The following WDFY4 variants were observed in gnomAD, a reference collection of about 807,000 sequenced individuals.
WDFY4 encodes WDFY family member 4.
A neutral mutation model predicts 351.9 loss-of-function variants in WDFY4; 169 were observed. That is an observed-to-expected ratio of 0.48 (90% CI 0.42 to 0.55). The LOEUF is 0.55. WDFY4 is among the 20% of genes least tolerant of loss of function. WDFY4 has a pLI of 0.00. For synonymous variants in WDFY4, 1,622 were observed against 1,574.6 expected, an observed-to-expected ratio of 1.03 and a Z score of -0.71; for missense variants, 3,803 against 3,935.6, an observed-to-expected ratio of 0.97 and a Z score of 0.90.
rs1275682896 is a variant in WDFY4, at chr10:48,800,715, TTTCTTTCATTCTTTC to T, written c.4411-2568_4411-2554del. ...CTTTCTTTCTTTCTTTCTTTCTTTC[TTTCTTTCATTCTTTC>T]TTTTTTTTTTTTTTTGTTTTGAGAT... is the stretch of plus-strand genomic sequence containing the variant. On this transcript the variant is annotated intron_variant, in intron 24 of 61. Transcript: ENST00000325239. Among the ~76,000 whole-genome samples the T allele has an allele frequency of 3.8e-4, 42 of 111,682 alleles. No individual in the cohort carries two copies. The East Asian group carries it at 4.1e-3, about 11-fold the overall frequency. 73.3% of individuals were successfully genotyped at this position (111,682 alleles called of 152,430 possible).
chr10:48,727,530 C>A lies in WDFY4; in HGVS notation c.842C>A (p.Ala281Asp), dbSNP rs1053250602. 16 of 1,551,694 alleles carry A rather than the reference C, an allele frequency of 1.0e-5. No homozygotes were observed. Among genetic ancestry groups the A allele is most frequent in the Admixed American group, 2.0e-5 (1 of 50,996 alleles). ...TCCAGGCTCACGGACACTCTCCCTGCCCCTGAAGTGAGCGAGGCTGTAAGC... is the reference window on the plus strand; with the variant it reads ...TCCAGGCTCACGGACACTCTCCCTGACCCTGAAGTGAGCGAGGCTGTAAGC... ...NLSRLTDTLP[A>D]PEVSEAVSLI... is the part of the protein sequence containing the mutation. The change falls in exon 7 of 62, where the codon GCC (alanine) becomes GAC (aspartate). Residue 281 changes from alanine to aspartate, a missense_variant. Transcript: ENST00000325239.
chr10:48,952,691 C>T (rs528974757), intron 51 of WDFY4, among the ~76,000 whole-genome samples: 15 of 152,094 alleles, frequency 9.9e-5, no homozygotes, highest in African/African-American at 2.2e-4. Context: ...ATGCAGGCAG[C>T]GTGGTTTCAG....
chr10:48,945,933 A>ATGTAAT (rs1841020866), intron 49 of WDFY4, 107 bp from the exon 50 acceptor site: 3 of 764,272 alleles, frequency 3.9e-6, no homozygotes, highest in Non-Finnish European at 6.0e-6. Context: ...GGCAGGTCAG[A>ATGTAAT]CCAAATGACT....
chr10:48,806,563 T>C (rs147582423), intron 27 of WDFY4, among the ~76,000 whole-genome samples: 1 of 152,344 alleles, frequency 6.6e-6, no homozygotes, highest in African/African-American at 2.4e-5. Context: ...CCAAACCAGA[T>C]TAAGTCACTT....
At chr10:48,971,177 G>A (rs1842320667) in intron 57 of WDFY4, among the ~76,000 whole-genome samples, 1 of 152,082 alleles carries the variant, frequency 6.6e-6, no homozygotes, top group South Asian at 2.1e-4. Flanking sequence ...CTATTTTTTA[G>A]TTAGCCACAG....
chr10:48,826,379 T>C (rs2068013342), intron 35 of WDFY4, among the ~76,000 whole-genome samples: 2 of 152,188 alleles, frequency 1.3e-5, no homozygotes, highest in African/African-American at 4.8e-5. Context: ...AGTCTCATAG[T>C]ATAGTTTGAA....
chr10:48,970,902 A>G (rs970140034), intron 57 of WDFY4, among the ~76,000 whole-genome samples: 1 of 152,232 alleles, frequency 6.6e-6, no homozygotes, highest in African/African-American at 2.4e-5. Context: ...ACCAGCCCTC[A>G]TAGAGAATGC....
At chr10:48,705,073 G>A (rs1170726993) in intron 1 of WDFY4, among the ~76,000 whole-genome samples, 1 of 152,194 alleles carries the variant, frequency 6.6e-6, no homozygotes, top group African/African-American at 2.4e-5. Flanking sequence ...TGGCCCCAGA[G>A]TCTGTGCTGG....
intron 51 of WDFY4, among the ~76,000 whole-genome samples, chr10:48,956,536 C>G (rs1234777786): frequency 6.6e-6 from 1 of 152,194 alleles, no homozygotes; most frequent in Non-Finnish European, 1.5e-5. Context: ...GCTTCTTGCT[C>G]TCCTGCCACC....
intron 12 of WDFY4, among the ~76,000 whole-genome samples, chr10:48,754,448 G>A (rs2947346): frequency 0.98 from 148,137 of 151,866 alleles, 72,360 homozygotes; most frequent in East Asian, 1. Context: ...TCAAATTAAA[G>A]TTGTAAATTA....
At chr10:48,735,452 G>C (rs1422775846) in intron 10 of WDFY4, among the ~76,000 whole-genome samples, 4 of 152,184 alleles carry the variant, frequency 2.6e-5, no homozygotes, top group Non-Finnish European at 5.9e-5. Flanking sequence ...AATCAAGGGA[G>C]AGGTAGATCT....
rs1310710615 is a variant in WDFY4 at position 48,720,040 on chromosome 10, C to T, written c.264C>T (p.Cys88=). 6.4e-7 allele frequency: 1 copy of T among 1,551,768 alleles called. No homozygotes were observed. The highest frequency in any genetic ancestry group is 1.2e-5 in the South Asian group (1 of 84,054). Residue 88 remains cysteine, a synonymous_variant, in exon 3 of 62, where the codon TGC becomes TGT. Coordinates refer to ENST00000325239, the MANE Select transcript of WDFY4 (RefSeq NM_001394531.1). ...KAWEHSVGII[C]FPSLQRLAED... ...GGGAACACTCCGTGGGGATCATCTG[C>T]TTTCCCAGTCTCCAAAGGCTGGCTG...
At chr10:48,891,553 C>A (rs11101551) in intron 44 of WDFY4, among the ~76,000 whole-genome samples, 1 of 152,212 alleles carries the variant, frequency 6.6e-6, no homozygotes, top group African/African-American at 2.4e-5. Context: ...TTGCCTTTTC[C>A]AGTTGACCCA....
At chr10:48,728,518 T>A (rs757279603) in intron 7 of WDFY4, among the ~76,000 whole-genome samples, 1 of 152,200 alleles carries the variant, frequency 6.6e-6, no homozygotes, top group Non-Finnish European at 1.5e-5. Flanking sequence ...GAGGGGTATA[T>A]CTACTACCGC....
intron 39 of WDFY4, among the ~76,000 whole-genome samples, chr10:48,836,105 A>G (rs1404224420): frequency 6.6e-6 from 1 of 152,248 alleles, no homozygotes; most frequent in African/African-American, 2.4e-5. Context: ...TCTCAGGTAC[A>G]TATGTACACT....
rs754498830 is a variant in WDFY4, at chr10:48,778,832, G to C, written c.3397G>C (p.Asp1133His). 1 of 1,549,626 alleles carries C rather than the reference G, an allele frequency of 6.5e-7. No homozygotes were observed. Among genetic ancestry groups the C allele is most frequent in the South Asian group, 1.2e-5 (1 of 84,058 alleles). Residue 1133 changes from aspartate to histidine, a missense_variant and splice_region_variant, in exon 18 of 62, where the codon GAT (aspartate) becomes CAT (histidine). Coordinates refer to ENST00000325239, the MANE Select transcript of WDFY4 (RefSeq NM_001394531.1). ...STEEKEFQPL[D>H]VMEPEDDSEP... Reference sequence around the variant, plus strand: ...AGAAGAGAAGGAGTTTCAGCCTCTGGGTAAGGTGCTGGGATCCAAAGCCAG... The same window carrying C: ...AGAAGAGAAGGAGTTTCAGCCTCTGCGTAAGGTGCTGGGATCCAAAGCCAG...
At chr10:48,780,263 C>T in intron 19 of WDFY4, 144 bp downstream of exon 19, 1 of 1,102,624 alleles carries the variant, frequency 9.1e-7, no homozygotes, top group Admixed American at 2.7e-5. Context: ...ATGAAATCTG[C>T]CTTACTGTTC....
chr10:48,965,543 G>T (rs1842036953), intron 54 of WDFY4, among the ~76,000 whole-genome samples: 1 of 152,186 alleles, frequency 6.6e-6, no homozygotes, highest in African/African-American at 2.4e-5. Flanking sequence ...CTATAACTGA[G>T]CTGAGGTTTC....
At chr10:48,880,512 A>G (rs964756540) in intron 43 of WDFY4, among the ~76,000 whole-genome samples, 6 of 152,138 alleles carry the variant, frequency 3.9e-5, no homozygotes, top group Admixed American at 1.3e-4. Context: ...AATGCCACAC[A>G]CTGTTTGCTG....
Sources: allele counts gnomAD v4.1 joint callset (sites outside exome capture counted in the v4.1 genomes callset), GRCh38; gene constraint gnomAD v4.1.1; transcripts MANE v1.5; gene names NCBI Gene and HGNC (gene_info 2026-07-23, HGNC 2026-07-21).